The following SOX5 variants were observed in gnomAD, a reference collection of about 807,000 sequenced individuals.
The protein encoded by SOX5 is transcription factor SOX-5.
A neutral mutation model predicts 92.0 loss-of-function variants in SOX5; 9 were observed. The observed-to-expected ratio is 0.10, with a 90% CI of 0.06 to 0.17. SOX5 has a LOEUF of 0.17. Among genes scored for constraint, SOX5 ranks in the 10% least tolerant of loss-of-function variants. The pLI is 1.00. For synonymous variants in SOX5, 344 were observed against 336.3 expected (o/e 1.02, Z -0.25); for missense variants, 642 against 944.5 (o/e 0.68, Z 4.20).
chr12:23,558,593 A>C (rs778019204), intron 11 of SOX5, among the ~76,000 whole-genome samples: 1 of 151,142 alleles, frequency 6.6e-6, no homozygotes, highest in Non-Finnish European at 1.5e-5. Flanking sequence ...ATGTGATAAA[A>C]ATGAATCACT....
At chr12:23,876,054 C>T (rs1369668069) in intron 2 of SOX5, among the ~76,000 whole-genome samples, 1 of 152,084 alleles carries the variant, frequency 6.6e-6, no homozygotes, top group African/African-American at 2.4e-5. Flanking sequence ...TTTGTTGACC[C>T]CTAAGATAGA....
At chr12:24,136,802 G>A (rs898694218) in intron 4 of SOX5, among the ~76,000 whole-genome samples, 1 of 152,242 alleles carries the variant, frequency 6.6e-6, no homozygotes, top group Non-Finnish European at 1.5e-5. Flanking sequence ...GTTGAATTTA[G>A]TTTGTTAGGG....
chr12:24,403,891 A>G (rs1962323868), intron 1 of SOX5, among the ~76,000 whole-genome samples: 1 of 152,172 alleles, frequency 6.6e-6, no homozygotes, highest in Non-Finnish European at 1.5e-5. Context: ...ACTGAAAGGA[A>G]TAATAAAAGA....
At chr12:23,953,721 A>G (rs768859788), upstream of SOX5, among the ~76,000 whole-genome samples, 12 of 152,068 alleles carry the variant, frequency 7.9e-5, no homozygotes, top group South Asian at 2.1e-4. Context: ...TAAGAACTGA[A>G]TAATACATAA....
chr12:23,894,060 C>T (rs1035297838), intron 2 of SOX5, among the ~76,000 whole-genome samples: 2 of 152,084 alleles, frequency 1.3e-5, no homozygotes, highest in African/African-American at 4.8e-5. Flanking sequence ...CTGATCCGAA[C>T]AAGTTATTTA....
chr12:23,759,294 A>G (rs1197165649), intron 3 of SOX5, among the ~76,000 whole-genome samples: 1 of 152,044 alleles, frequency 6.6e-6, no homozygotes, highest in Non-Finnish European at 1.5e-5. Context: ...GTGACAACCT[A>G]TAAGTATATA....
intron 9 of SOX5, among the ~76,000 whole-genome samples, chr12:23,578,141 A>AAAAAAAAAAAAAAC (rs1565983838): frequency 7.3e-6 from 1 of 136,272 alleles, no homozygotes; most frequent in African/African-American, 2.7e-5. Context: ...AAAAAAAAAA[A>AAAAAAAAAAAAAAC]AAAAAAAAAC....
At chr12:24,004,210 G>GA (rs528250045) in intron 4 of SOX5, among the ~76,000 whole-genome samples, 148 of 117,402 alleles carry the variant, frequency 1.3e-3, no homozygotes, top group African/African-American at 2.4e-3. Flanking sequence ...GAAGAAAACA[G>GA]AAAAAAAAAA....
Position 24,428,839 on chromosome 12 carries a change from A to T in SOX5, c.-250-60200T>A, listed in dbSNP as rs141536684. On this transcript the variant is annotated intron_variant, in intron 1 of 4. Transcript: ENST00000446891. ...AACGATTTTGCAACTTCAAGACAGCATAGTGAGCCGGTTAATGGATTATGT... is the reference window on the plus strand; with the variant it reads ...AACGATTTTGCAACTTCAAGACAGCTTAGTGAGCCGGTTAATGGATTATGT... Among the ~76,000 whole-genome samples, 77 of 151,144 alleles carry T rather than the reference A, an allele frequency of 5.1e-4. No homozygotes were observed. The East Asian group carries it at 0.012, about 23-fold the overall frequency.
chr12:23,888,401 AC>A (rs1228174260), intron 2 of SOX5, among the ~76,000 whole-genome samples: 1 of 144,952 alleles, frequency 6.9e-6, no homozygotes, highest in Non-Finnish European at 1.5e-5. Flanking sequence ...CTATCTCACA[AC>A]TCCCATAGCA....
At chr12:23,624,843 A>T (rs1245700818) in intron 8 of SOX5, among the ~76,000 whole-genome samples, 1 of 152,212 alleles carries the variant, frequency 6.6e-6, no homozygotes, top group Non-Finnish European at 1.5e-5. Flanking sequence ...ATACAAATGC[A>T]ACAAGATAAA....
intron 1 of SOX5, among the ~76,000 whole-genome samples, chr12:24,538,227 G>A (rs1419683803): frequency 3.9e-5 from 6 of 152,098 alleles, no homozygotes; most frequent in Admixed American, 3.9e-4. Flanking sequence ...TGCCAGCCTT[G>A]CAGTTCCTCA....
At chr12:24,380,703 G>A (rs536343241) in intron 1 of SOX5, among the ~76,000 whole-genome samples, 12 of 152,256 alleles carry the variant, frequency 7.9e-5, no homozygotes, top group Admixed American at 2.0e-4. Context: ...TAAAGGGCAT[G>A]TATTTTAATT....
intron 1 of SOX5, among the ~76,000 whole-genome samples, chr12:23,933,744 T>A (rs1941949129): frequency 6.6e-6 from 1 of 151,636 alleles, no homozygotes; most frequent in Non-Finnish European, 1.5e-5. Flanking sequence ...CTTGAGCAGA[T>A]CCAAAAGTGT....
intron 6 of SOX5, among the ~76,000 whole-genome samples, chr12:23,702,200 C>G (rs2090748560): frequency 6.6e-6 from 1 of 152,030 alleles, no homozygotes; most frequent in Admixed American, 6.6e-5. Context: ...AATATCTACA[C>G]TGCAATATTA....
intron 3 of SOX5, among the ~76,000 whole-genome samples, chr12:24,245,015 A>G (rs904463672): frequency 6.6e-6 from 1 of 152,066 alleles, no homozygotes; most frequent in East Asian, 1.9e-4. Context: ...TCACCTAGTT[A>G]TATCTGACTC....
intron 4 of SOX5, among the ~76,000 whole-genome samples, chr12:24,061,987 G>A (rs920781828): frequency 1.4e-5 from 2 of 147,094 alleles, no homozygotes; most frequent in Non-Finnish European, 3.0e-5. Flanking sequence ...ATTTGAGAGA[G>A]GAAAAAATGT....
At chr12:24,506,312 T>C (rs138042094) in intron 1 of SOX5, among the ~76,000 whole-genome samples, 1 of 151,398 alleles carries the variant, frequency 6.6e-6, no homozygotes, top group Admixed American at 6.6e-5. Context: ...AGCAAGCAAA[T>C]CTGGCTGACA....
At chr12:24,089,341 G>A (rs1020500163) in intron 4 of SOX5, among the ~76,000 whole-genome samples, 4 of 151,928 alleles carry the variant, frequency 2.6e-5, no homozygotes, top group African/African-American at 4.8e-5. Flanking sequence ...CATTACAGTC[G>A]TCATTACAAA....
Sources: allele counts gnomAD v4.1 joint callset (sites outside exome capture counted in the v4.1 genomes callset), GRCh38; gene constraint gnomAD v4.1.1; transcripts MANE v1.5; gene names NCBI Gene and HGNC (gene_info 2026-07-23, HGNC 2026-07-21).